FAT3: variants seen among roughly 807,000 people sequenced by gnomAD.
FAT3 encodes the protein FAT atypical cadherin 3.
In FAT3, 95 loss-of-function variants were observed where a neutral mutation model predicts 310.2. The ratio of observed to expected loss-of-function variants is 0.31; its 90% confidence interval spans 0.26 to 0.36. FAT3 has a LOEUF of 0.36. Ranked by LOEUF, FAT3 falls within the 10% of genes least tolerant of loss-of-function variation. The pLI, the probability that FAT3 is intolerant of heterozygous loss-of-function variation, is 1.00. For synonymous variants in FAT3, 2,314 were observed against 2,192.9 expected, an observed-to-expected ratio of 1.06 and a Z score of -1.54; for missense variants, 5,408 against 5,715.6, an observed-to-expected ratio of 0.95 and a Z score of 1.74.
At chr11:92,880,630 A>G in intron 22 of FAT3, 101 bp from the exon 23 acceptor site, 1 of 1,365,464 alleles carries the variant, frequency 7.3e-7, no homozygotes, top group Non-Finnish European at 9.9e-7. Flanking sequence ...CCTTCCTATT[A>G]TACGGTTCAA....
At chr11:92,837,885 T>A in intron 17 of FAT3, 79 bp downstream of exon 17, 1 of 1,544,118 alleles carries the variant, frequency 6.5e-7, no homozygotes, top group Non-Finnish European at 8.9e-7. Flanking sequence ...TCATTGTGGT[T>A]TATTGCTACT....
At chr11:92,820,052 A>G (rs990573345) in intron 13 of FAT3, among the ~76,000 whole-genome samples, 1 of 152,208 alleles carries the variant, frequency 6.6e-6, no homozygotes, top group Non-Finnish European at 1.5e-5. Context: ...AAGTGATGAT[A>G]TCACTTCAGA....
At chr11:92,822,546 T>C in intron 13 of FAT3, among the ~76,000 whole-genome samples, 1 of 152,214 alleles carries the variant, frequency 6.6e-6, no homozygotes, top group East Asian at 1.9e-4. Flanking sequence ...GGATACATCC[T>C]ACCACTTCAC....
intron 1 of FAT3, among the ~76,000 whole-genome samples, chr11:92,253,367 TC>T: frequency 6.6e-6 from 1 of 152,218 alleles, no homozygotes; most frequent in African/African-American, 2.4e-5. Context: ...TGCCTTCTGC[TC>T]CCCTTGCTCT....
At chr11:92,279,441 CATGTT>C (rs953884641) in intron 1 of FAT3, among the ~76,000 whole-genome samples, 4 of 152,130 alleles carry the variant, frequency 2.6e-5, no homozygotes, top group Admixed American at 6.6e-5. Flanking sequence ...TTATTGAACA[CATGTT>C]ATGTATCATT....
intron 1 of FAT3, among the ~76,000 whole-genome samples, chr11:92,250,066 A>G (rs752123941): frequency 5.1e-4 from 77 of 152,012 alleles, no homozygotes; most frequent in Non-Finnish European, 1.5e-4. Flanking sequence ...TTGAAGTCTT[A>G]TTGTTATTAT....
At chr11:92,378,036 G>T (rs1198334312) in intron 2 of FAT3, among the ~76,000 whole-genome samples, 1 of 152,108 alleles carries the variant, frequency 6.6e-6, no homozygotes, top group Non-Finnish European at 1.5e-5. Flanking sequence ...TGCAGTTTGT[G>T]TCATTTTTTT....
At chr11:92,665,047 C>G (rs962107227) in intron 3 of FAT3, among the ~76,000 whole-genome samples, 1 of 152,206 alleles carries the variant, frequency 6.6e-6, no homozygotes, top group African/African-American at 2.4e-5. Context: ...AGTTGCAGTG[C>G]TGATCTGCAC....
At chr11:92,725,276 A>G (rs1439834271) in intron 4 of FAT3, among the ~76,000 whole-genome samples, 2 of 152,146 alleles carry the variant, frequency 1.3e-5, no homozygotes, top group Non-Finnish European at 2.9e-5. Context: ...AGGGCCAGCC[A>G]GGGAAAACAC....
chr11:92,763,914 C>T (rs1946230908), intron 5 of FAT3, among the ~76,000 whole-genome samples: 1 of 152,186 alleles, frequency 6.6e-6, no homozygotes, highest in African/African-American at 2.4e-5. Context: ...AGCAATCATC[C>T]ATGAACACAT....
At chr11:92,853,769 G>A (rs956979380) in intron 19 of FAT3, among the ~76,000 whole-genome samples, 1 of 152,166 alleles carries the variant, frequency 6.6e-6, no homozygotes, top group Admixed American at 6.5e-5. Context: ...TTTGAGTCTG[G>A]CAGGATCCAG....
chr11:92,446,137 C>A (rs1199473012), intron 2 of FAT3, among the ~76,000 whole-genome samples: 1 of 151,970 alleles, frequency 6.6e-6, no homozygotes, highest in African/African-American at 2.4e-5. Flanking sequence ...AAGTTAAGAT[C>A]ATGTTGGAAA....
chr11:92,738,458 G>T (rs2852401), intron 4 of FAT3, among the ~76,000 whole-genome samples: 37,268 of 152,024 alleles, frequency 0.25, 5,698 homozygotes, highest in African/African-American at 0.43. Context: ...TTGTAATCAT[G>T]GCTGTCATCT....
At chr11:92,856,479 G>A (rs555243507) in intron 19 of FAT3, among the ~76,000 whole-genome samples, 1 of 152,282 alleles carries the variant, frequency 6.6e-6, no homozygotes, top group South Asian at 2.1e-4. Context: ...ACTCACTTGG[G>A]TCCTGAATTC....
intron 2 of FAT3, among the ~76,000 whole-genome samples, chr11:92,517,316 G>A (rs1288926230): frequency 2.0e-5 from 3 of 152,054 alleles, no homozygotes; most frequent in African/African-American, 7.2e-5. Flanking sequence ...AGAGGCCCCA[G>A]AAATAACCAC....
intron 2 of FAT3, among the ~76,000 whole-genome samples, chr11:92,425,664 C>A (rs963392143): frequency 3.9e-5 from 6 of 152,048 alleles, no homozygotes; most frequent in Middle Eastern, 3.2e-3. Context: ...TGTTAGTTTG[C>A]CGAGAATGGT....
chr11:92,714,184 T>C (rs1944606742), intron 4 of FAT3, among the ~76,000 whole-genome samples: 2 of 152,190 alleles, frequency 1.3e-5, no homozygotes, highest in South Asian at 2.1e-4. Context: ...TCAATAAATA[T>C]GCAGTGGTGA....
intron 3 of FAT3, among the ~76,000 whole-genome samples, chr11:92,649,629 T>C (rs1942295525): frequency 1.3e-5 from 2 of 152,060 alleles, no homozygotes; most frequent in African/African-American, 4.8e-5. Flanking sequence ...AGCGCTTTGT[T>C]AGCCAGACCC....
chr11:92,843,167 A>G (rs1441743391), intron 18 of FAT3, among the ~76,000 whole-genome samples: 2 of 152,268 alleles, frequency 1.3e-5, no homozygotes, highest in African/African-American at 4.8e-5. Flanking sequence ...CGGCTCTTTC[A>G]CTGGCTTCCA....
Sources: gnomAD v4.1 joint callset for allele counts (sites outside exome capture counted in the v4.1 genomes callset) on GRCh38, gnomAD v4.1.1 for gene constraint, MANE v1.5 for transcripts, NCBI Gene and HGNC (gene_info 2026-07-23, HGNC 2026-07-21) for gene names.